Variants in ST6GAL2 observed in about 807,000 individuals in gnomAD.
ST6GAL2 encodes beta-galactoside alpha-2,6-sialyltransferase 2.
Under a neutral mutation model 37.5 loss-of-function variants are expected in ST6GAL2, and 24 were observed. The observed-to-expected ratio is 0.64, with a 90% CI of 0.46 to 0.90. ST6GAL2 has a LOEUF of 0.90. Ranked by LOEUF, ST6GAL2 falls within the 40% of genes least tolerant of loss-of-function variation. ST6GAL2 has a pLI of 0.00. For synonymous variants in ST6GAL2, 306 were observed against 295.1 expected (o/e 1.04, Z -0.38); for missense variants, 715 against 712.7 (o/e 1.00, Z -0.04).
At chr2:106,807,641 T>TC (rs934299859) in intron 5 of ST6GAL2, among the ~76,000 whole-genome samples, 2 of 151,136 alleles carry the variant, frequency 1.3e-5, no homozygotes, top group African/African-American at 2.4e-5. Flanking sequence ...CTTTTTTTTT[T>TC]TTTTTGAGAC....
chr2:106,839,199 T>C (rs1251774899), intron 2 of ST6GAL2, among the ~76,000 whole-genome samples: 1 of 152,124 alleles, frequency 6.6e-6, no homozygotes, highest in African/African-American at 2.4e-5. Context: ...AGCCTGCTTC[T>C]CTCTTCTGTC....
At chr2:106,847,947 T>C (rs1037809662) in intron 1 of ST6GAL2, among the ~76,000 whole-genome samples, 9 of 152,122 alleles carry the variant, frequency 5.9e-5, no homozygotes, top group Non-Finnish European at 1.3e-4. Context: ...TCACTGGCCA[T>C]GTGAGTGAAC....
chr2:106,863,448 T>C (rs1422616846), intron 1 of ST6GAL2, among the ~76,000 whole-genome samples: 1 of 152,152 alleles, frequency 6.6e-6, no homozygotes, highest in East Asian at 1.9e-4. Flanking sequence ...GTAAAGCGTG[T>C]AGAATCATTC....
chr2:106,822,297 A>G (rs1676034920), intron 5 of ST6GAL2, among the ~76,000 whole-genome samples: 1 of 152,268 alleles, frequency 6.6e-6, no homozygotes, highest in African/African-American at 2.4e-5. Context: ...ACTGATAAAC[A>G]TTCAGTAAAG....
chr2:106,807,462 C>T (rs1054700177), intron 5 of ST6GAL2, among the ~76,000 whole-genome samples: 1 of 152,122 alleles, frequency 6.6e-6, no homozygotes, highest in South Asian at 2.1e-4. Context: ...TGGATCAGCT[C>T]TTATACTATA....
intron 5 of ST6GAL2, among the ~76,000 whole-genome samples, chr2:106,828,420 G>A (rs927042180): frequency 2.0e-5 from 3 of 152,002 alleles, no homozygotes; most frequent in African/African-American, 7.3e-5. Flanking sequence ...AAAGAACTTA[G>A]GATTTCAAAA....
At chr2:106,834,363 T>C in intron 2 of ST6GAL2, 1 of 490,160 alleles carries the variant, frequency 2.0e-6, no homozygotes, top group Non-Finnish European at 3.6e-6. Context: ...ATGTAAAATC[T>C]GTTCAATTAT....
chr2:106,807,624 T>G (rs962563853), intron 5 of ST6GAL2, among the ~76,000 whole-genome samples: 4 of 120,234 alleles, frequency 3.3e-5, no homozygotes, highest in African/African-American at 1.2e-4. Flanking sequence ...ACTGAGTACA[T>G]TTTATTCTTT....
At position 106,802,407 on chromosome 2, in the gene ST6GAL2, T is replaced by C. The variant is rs536601641; in HGVS notation, c.*4271A>G. On this transcript the variant is annotated 3_prime_UTR_variant, in exon 6 of 6. Coordinates refer to ENST00000409382, the MANE Select transcript of ST6GAL2 (RefSeq NM_001142351.2). ...AGATCAATGTCTTTAATTCCTTAAA[T>C]GTCATTAGCTCAAGTTTGAACAGAA... 6 of 152,306 alleles carry C rather than the reference T, an allele frequency of 3.9e-5. No individual in the cohort carries two copies. Among genetic ancestry groups the C allele is most frequent in the African/African-American group, 1.4e-4 (6 of 41,590 alleles). The allele number at this position is 152,306 out of a possible 1,614,324, so 9.4% of individuals were successfully genotyped here. A position where few individuals can be genotyped will look rare whatever the true frequency, so the allele number is the denominator to read the frequency against.
chr2:106,863,793 T>C (rs1036425603), intron 1 of ST6GAL2, among the ~76,000 whole-genome samples: 2 of 152,180 alleles, frequency 1.3e-5, no homozygotes, highest in East Asian at 1.9e-4. Context: ...TAAAAGGTGA[T>C]GTGGAGCTAG....
At chr2:106,846,323 G>T (rs1319993462) in intron 1 of ST6GAL2, among the ~76,000 whole-genome samples, 1 of 152,154 alleles carries the variant, frequency 6.6e-6, no homozygotes, top group Non-Finnish European at 1.5e-5. Flanking sequence ...ATATGTATTT[G>T]TTTTAAATTT....
chr2:106,880,053 C>A (rs1678685354), intron 1 of ST6GAL2, among the ~76,000 whole-genome samples: 1 of 149,914 alleles, frequency 6.7e-6, no homozygotes. Context: ...AATTATAGAC[C>A]AATTATATAC....
intron 1 of ST6GAL2, among the ~76,000 whole-genome samples, chr2:106,865,643 T>A (rs1677995580): frequency 6.6e-6 from 1 of 152,152 alleles, no homozygotes; most frequent in Non-Finnish European, 1.5e-5. Context: ...CTTAGGTCCA[T>A]CCTCGTTGTA....
intron 5 of ST6GAL2, among the ~76,000 whole-genome samples, chr2:106,811,501 T>C (rs535535935): frequency 6.6e-6 from 1 of 152,250 alleles, no homozygotes; most frequent in Admixed American, 6.5e-5. Flanking sequence ...TACTAATCAT[T>C]GGCAATTTAG....
chr2:106,830,153 G>GATGAAGA lies in ST6GAL2; in HGVS notation c.1224_1230dup (p.Pro411SerfsTer4). 1 of 1,613,816 alleles carries GATGAAGA rather than the reference G, an allele frequency of 6.2e-7. No individual in the cohort carries two copies. The highest frequency in any genetic ancestry group is 8.5e-7 in the Non-Finnish European group (1 of 1,179,890). On this transcript the variant is annotated frameshift_variant, in exon 5 of 6. Coordinates refer to ENST00000409382, the MANE Select transcript of ST6GAL2 (RefSeq NM_001142351.2). LOFTEE classifies it high-confidence loss of function. Reference sequence around the variant, plus strand: ...TCCCAGAGCTGCCATATAAATTTAGGATGAAGAATGTAAAATGGCTGATTT... The same window carrying GATGAAGA: ...TCCCAGAGCTGCCATATAAATTTAGGATGAAGAATGAAGAATGTAAAATGGCTGATTT...
At chr2:106,813,082 A>G (rs2104421056) in intron 5 of ST6GAL2, 1 of 1,236,422 alleles carries the variant, frequency 8.1e-7, no homozygotes, top group African/African-American at 1.6e-5. Context: ...GAATCTTTAA[A>G]CAGTATGAAT....
At chr2:106,826,301 A>T (rs1676201233) in intron 5 of ST6GAL2, among the ~76,000 whole-genome samples, 2 of 152,156 alleles carry the variant, frequency 1.3e-5, no homozygotes, top group East Asian at 3.9e-4. Flanking sequence ...AGGCCTCAGG[A>T]AGCTTTTACT....
chr2:106,837,797 T>C (rs534717306), intron 2 of ST6GAL2, among the ~76,000 whole-genome samples: 2 of 152,312 alleles, frequency 1.3e-5, no homozygotes, highest in African/African-American at 4.8e-5. Flanking sequence ...TAAATGCCCA[T>C]TGTCTTATTG....
chr2:106,848,387 T>C (rs1321327829), intron 1 of ST6GAL2, among the ~76,000 whole-genome samples: 1 of 152,238 alleles, frequency 6.6e-6, no homozygotes, highest in Non-Finnish European at 1.5e-5. Flanking sequence ...CACCATTTCC[T>C]GGTTTCCCTG....
Sources: gnomAD v4.1 joint callset for allele counts (sites outside exome capture counted in the v4.1 genomes callset) on GRCh38, gnomAD v4.1.1 for gene constraint, MANE v1.5 for transcripts, NCBI Gene and HGNC (gene_info 2026-07-23, HGNC 2026-07-21) for gene names.